The following XKR6 variants were observed in gnomAD, a reference collection of about 807,000 sequenced individuals.
The protein encoded by XKR6 is XK related 6.
A neutral mutation model predicts 56.7 loss-of-function variants in XKR6; 22 were observed. The observed-to-expected ratio is 0.39, with a 90% CI of 0.28 to 0.55. The LOEUF (loss-of-function observed/expected upper bound fraction) is 0.55, where lower values mean the gene tolerates loss of function less well. Ranked by LOEUF, XKR6 falls within the 20% of genes least tolerant of loss-of-function variation. The pLI is 0.66. For missense variants in XKR6, 852 were observed against 889.0 expected, an observed-to-expected ratio of 0.96 and a Z score of 0.53; for synonymous variants, 524 against 387.8, an observed-to-expected ratio of 1.35 and a Z score of -4.13.
intron 1 of XKR6, among the ~76,000 whole-genome samples, chr8:10,955,074 G>A (rs1184800369): frequency 6.6e-6 from 1 of 151,736 alleles, no homozygotes; most frequent in African/African-American, 2.4e-5. Flanking sequence ...TCACCATGTT[G>A]GCCAGGTTGG....
chr8:10,939,282 C>T (rs1322438130), intron 1 of XKR6, among the ~76,000 whole-genome samples: 1 of 152,240 alleles, frequency 6.6e-6, no homozygotes, highest in African/African-American at 2.4e-5. Context: ...GGCCCGCCCA[C>T]CACAGTTCCT....
At chr8:11,176,242 T>C (rs878862699) in intron 1 of XKR6, among the ~76,000 whole-genome samples, 2 of 152,216 alleles carry the variant, frequency 1.3e-5, no homozygotes, top group Admixed American at 1.3e-4. Context: ...AACATATGCA[T>C]AAATCCTTTG....
intron 1 of XKR6, among the ~76,000 whole-genome samples, chr8:11,166,800 T>C (rs942829134): frequency 2.0e-5 from 3 of 152,098 alleles, no homozygotes; most frequent in African/African-American, 7.2e-5. Context: ...CTGGAACTCG[T>C]GACCTCAGGT....
chr8:11,201,547 G>A lies in XKR6; in HGVS notation c.-208C>T, dbSNP rs1804248446. 6.6e-6 allele frequency among the ~76,000 whole-genome samples: 1 copy of A among 151,884 alleles called. No homozygotes were observed. The highest frequency in any genetic ancestry group is 2.4e-5 in the African/African-American group (1 of 41,328). ...TCACTTCCGGGCGAGCCCCCCAATC[G>A]CACGGCGCCCGCAGCTCCCCAGCCC... On this transcript the variant is annotated 5_prime_UTR_variant, in exon 1 of 3. Transcript: ENST00000416569.
intron 2 of XKR6, among the ~76,000 whole-genome samples, chr8:10,903,416 G>T (rs1800097219): frequency 6.6e-6 from 1 of 152,126 alleles, no homozygotes; most frequent in South Asian, 2.1e-4. Context: ...CTGTGCACCT[G>T]GTTGTCCCGG....
intron 1 of XKR6, among the ~76,000 whole-genome samples, chr8:11,181,465 T>C (rs79893362): frequency 0.024 from 3,624 of 152,316 alleles, 138 homozygotes; most frequent in African/African-American, 0.084. Flanking sequence ...GACTATAGTT[T>C]TCTTCTGGTT....
chr8:11,150,402 T>G (rs1801215958), intron 1 of XKR6, among the ~76,000 whole-genome samples: 1 of 152,350 alleles, frequency 6.6e-6, no homozygotes, highest in Non-Finnish European at 1.5e-5. Context: ...TTATGCTTTA[T>G]GCATAAGCCA....
rs532106079 is a variant in XKR6 at position 10,924,930 on chromosome 8, C to A, written c.765-100G>T. The A allele has an allele frequency of 3.8e-5, 50 of 1,318,386 alleles. 1 individual carries two copies. In the South Asian group the frequency reaches 6.2e-4, roughly 16 times the overall value. 81.7% of individuals were successfully genotyped at this position (1,318,386 alleles called of 1,614,324 possible). A position where few individuals can be genotyped will look rare whatever the true frequency, so the allele number is the denominator to read the frequency against. On this transcript the variant is annotated intron_variant, in intron 1 of 2. Coordinates refer to ENST00000416569, the MANE Select transcript of XKR6 (RefSeq NM_173683.4). ...TAAAACCAAGAGACTCAGCATCCCC[C>A]CAACTCCCTATGCTCTGAAGTTCCC...
chr8:11,192,779 G>A (rs1803651161), intron 1 of XKR6, among the ~76,000 whole-genome samples: 1 of 152,112 alleles, frequency 6.6e-6, no homozygotes, highest in South Asian at 2.1e-4. Flanking sequence ...AGTAAGGCCT[G>A]GAATCCGCAT....
intron 1 of XKR6, among the ~76,000 whole-genome samples, chr8:10,998,479 T>A (rs1227411514): frequency 6.6e-6 from 1 of 152,164 alleles, no homozygotes; most frequent in African/African-American, 2.4e-5. Flanking sequence ...CTGACAGGCC[T>A]GGTAAGAGCT....
chr8:11,137,022 A>G (rs1240351205), intron 1 of XKR6: 2 of 152,374 alleles, frequency 1.3e-5, no homozygotes, highest in Admixed American at 6.5e-5. Flanking sequence ...GAGGAAAAAG[A>G]TGGTAGAAGA....
chr8:11,061,383 C>T (rs1042104203), intron 1 of XKR6, among the ~76,000 whole-genome samples: 1 of 151,974 alleles, frequency 6.6e-6, no homozygotes, highest in African/African-American at 2.4e-5. Context: ...GGAGGATCAC[C>T]TGAACCTGGG....
Position 11,101,166 on chromosome 8 carries a change from C to A in XKR6, c.764+99410G>T, listed in dbSNP as rs563044345. On this transcript the variant is annotated intron_variant, in intron 1 of 2. Transcript: ENST00000416569. ...CAGACATCCCAATTTTTGAAAGTGT[C>A]CATAATTTATAGCAAGAGATATTTG... is the stretch of plus-strand genomic sequence containing the variant. 7.3e-4 allele frequency among the ~76,000 whole-genome samples: 111 copies of A among 152,288 alleles called. 1 individual carries two copies. Among genetic ancestry groups the A allele is most frequent in the African/African-American group, 2.6e-3 (108 of 41,560 alleles).
At chr8:11,042,189 T>C (rs1799302360) in intron 1 of XKR6, among the ~76,000 whole-genome samples, 1 of 152,044 alleles carries the variant, frequency 6.6e-6, no homozygotes, top group Non-Finnish European at 1.5e-5. Context: ...ACAGGTCGAG[T>C]CTCCCTTATC....
intron 1 of XKR6, among the ~76,000 whole-genome samples, chr8:11,082,888 G>A (rs1468874805): frequency 2.0e-5 from 3 of 152,198 alleles, no homozygotes; most frequent in African/African-American, 7.2e-5. Context: ...CCCAGGCAGT[G>A]GCCTCAAGTA....
At chr8:11,001,916 C>A (rs1403389543) in intron 1 of XKR6, among the ~76,000 whole-genome samples, 1 of 152,160 alleles carries the variant, frequency 6.6e-6, no homozygotes, top group Admixed American at 6.5e-5. Flanking sequence ...TCAGCCTCTC[C>A]AGCCCCACCA....
intron 1 of XKR6, among the ~76,000 whole-genome samples, chr8:10,979,688 G>C (rs912310548): frequency 1.3e-5 from 2 of 152,196 alleles, no homozygotes; most frequent in Non-Finnish European, 2.9e-5. Flanking sequence ...GGACAAGTCA[G>C]GCTGCCTGAA....
At chr8:11,096,777 T>C (rs1471043587) in intron 1 of XKR6, among the ~76,000 whole-genome samples, 1 of 152,258 alleles carries the variant, frequency 6.6e-6, no homozygotes, top group East Asian at 1.9e-4. Flanking sequence ...GACTTCCATG[T>C]TGGTGTCTTC....
intron 1 of XKR6, among the ~76,000 whole-genome samples, chr8:11,020,031 C>T (rs1034186067): frequency 6.6e-6 from 1 of 152,188 alleles, no homozygotes; most frequent in African/African-American, 2.4e-5. Flanking sequence ...CTCCAAGGAA[C>T]AGCGGGACCT....
Sources: allele counts gnomAD v4.1 joint callset (sites outside exome capture counted in the v4.1 genomes callset), GRCh38; gene constraint gnomAD v4.1.1; transcripts MANE v1.5; gene names NCBI Gene and HGNC (gene_info 2026-07-23, HGNC 2026-07-21).